IQCJ: variants seen among roughly 807,000 people sequenced by gnomAD.
The protein encoded by IQCJ is IQ domain-containing protein J.
A neutral mutation model predicts 11.0 loss-of-function variants in IQCJ; 9 were observed. That is an observed-to-expected ratio of 0.82 (90% CI 0.49 to 1.43). The LOEUF (loss-of-function observed/expected upper bound fraction) is 1.43. IQCJ is among the 40% of genes most tolerant of loss of function. The probability of loss-of-function intolerance (pLI) is 0.00; values close to 1 mark genes in which losing one functional copy is unlikely to be tolerated. For synonymous variants in IQCJ, 55 were observed against 51.3 expected (o/e 1.07, Z -0.31); for missense variants, 146 against 133.2 (o/e 1.10, Z -0.47).
chr3:159,184,188 CTTAGG>C (rs1280636979), intron 1 of IQCJ, among the ~76,000 whole-genome samples: 2 of 152,090 alleles, frequency 1.3e-5, no homozygotes, highest in Non-Finnish European at 2.9e-5. Context: ...ACTTACTATA[CTTAGG>C]TTATGTTTGC....
At chr3:159,133,463 A>G (rs911225236) in intron 1 of IQCJ, among the ~76,000 whole-genome samples, 12 of 152,220 alleles carry the variant, frequency 7.9e-5, no homozygotes, top group African/African-American at 2.7e-4. Flanking sequence ...TTTTGAGCCA[A>G]CTAATTTTCA....
chr3:159,151,924 A>G (rs568633112), intron 1 of IQCJ, among the ~76,000 whole-genome samples: 74 of 152,310 alleles, frequency 4.9e-4, no homozygotes, highest in African/African-American at 1.2e-3. Context: ...GTGAGCCATC[A>G]CACCCAGCTC....
chr3:159,235,956 G>A (rs1284312382), intron 1 of IQCJ, among the ~76,000 whole-genome samples: 4 of 152,068 alleles, frequency 2.6e-5, no homozygotes, highest in African/African-American at 9.7e-5. Context: ...TAAGGCCTAG[G>A]ACTACCTCAC....
In IQCJ at chr3:159,252,744, A is replaced by T. The variant is rs1196698654; in HGVS notation, c.92A>T (p.Asp31Val). ...GTTTCTAGTCACCAGCTGGCCATGG[A>T]TGCAGAGAATAATATTGAAAAGTAT... ...YSFENHQLAM[D>V]AENNIEKYPL... The change falls in exon 3 of 4, where the codon GAT becomes GTT. Residue 31 changes from aspartate (D) to valine (V), a missense_variant. Coordinates refer to ENST00000397832, the MANE Select transcript of IQCJ (RefSeq NM_001042706.3). The T allele has an allele frequency of 6.2e-7, 1 of 1,612,206 alleles. No homozygotes were observed. Among genetic ancestry groups the T allele is most frequent in the East Asian group, 2.2e-5 (1 of 44,788 alleles).
intron 1 of IQCJ, among the ~76,000 whole-genome samples, chr3:159,104,695 A>G (rs527253205): frequency 2.0e-4 from 31 of 152,312 alleles, no homozygotes; most frequent in Admixed American, 2.0e-3. Flanking sequence ...CATTCCTCTA[A>G]AGAAGTAGAA....
chr3:159,147,835 A>G (rs78851116), intron 1 of IQCJ, among the ~76,000 whole-genome samples: 6,060 of 152,284 alleles, frequency 0.04, 411 homozygotes, highest in African/African-American at 0.14. Flanking sequence ...TAAAAGAGGA[A>G]TGACAAAGTT....
chr3:159,255,486 T>C (rs1727846019), intron 3 of IQCJ, among the ~76,000 whole-genome samples: 1 of 152,170 alleles, frequency 6.6e-6, no homozygotes, highest in Admixed American at 6.5e-5. Flanking sequence ...TCTCAGATGG[T>C]TCCTCGTACT....
intron 1 of IQCJ, among the ~76,000 whole-genome samples, chr3:159,117,327 G>A (rs931207876): frequency 6.6e-6 from 1 of 152,186 alleles, no homozygotes; most frequent in Non-Finnish European, 1.5e-5. Context: ...TAGTTGTGAT[G>A]GTATGGGGAG....
chr3:159,154,113 A>C (rs977306977), intron 1 of IQCJ, among the ~76,000 whole-genome samples: 1 of 152,248 alleles, frequency 6.6e-6, no homozygotes, highest in Non-Finnish European at 1.5e-5. Flanking sequence ...AAAAGTTCCC[A>C]AAAAATCTAA....
At chr3:159,198,487 T>A (rs953005925) in intron 1 of IQCJ, among the ~76,000 whole-genome samples, 3 of 152,170 alleles carry the variant, frequency 2.0e-5, no homozygotes, top group Admixed American at 6.5e-5. Flanking sequence ...AGCTATTATC[T>A]TTGCCATTGA....
intron 1 of IQCJ, among the ~76,000 whole-genome samples, chr3:159,128,835 G>A (rs1275592583): frequency 6.6e-6 from 1 of 152,072 alleles, no homozygotes; most frequent in Non-Finnish European, 1.5e-5. Context: ...CCCAAGTCTT[G>A]CACAATTCTT....
intron 1 of IQCJ, among the ~76,000 whole-genome samples, chr3:159,105,183 A>G (rs1470961584): frequency 2.0e-5 from 3 of 152,214 alleles, no homozygotes; most frequent in African/African-American, 4.8e-5. Flanking sequence ...ATAAATTGTT[A>G]AAGTCACATA....
intron 1 of IQCJ, among the ~76,000 whole-genome samples, chr3:159,096,479 T>G (rs56040482): frequency 4.8e-5 from 6 of 125,212 alleles, no homozygotes; most frequent in African/African-American, 1.9e-4. Flanking sequence ...GGTTTTCTTC[T>G]AGGGTTTTTA....
chr3:159,215,097 C>T (rs1011784357), intron 1 of IQCJ, among the ~76,000 whole-genome samples: 1 of 152,092 alleles, frequency 6.6e-6, no homozygotes, highest in Non-Finnish European at 1.5e-5. Context: ...TTTTACACTA[C>T]TTGGGAGCCT....
chr3:159,256,847 A>G (rs556797982), intron 3 of IQCJ, among the ~76,000 whole-genome samples: 4 of 152,284 alleles, frequency 2.6e-5, no homozygotes, highest in African/African-American at 9.6e-5. Flanking sequence ...TCCTTTCCTT[A>G]AGTAATTATA....
At chr3:159,146,411 G>T (rs1720930538) in intron 1 of IQCJ, among the ~76,000 whole-genome samples, 1 of 152,176 alleles carries the variant, frequency 6.6e-6, no homozygotes, top group Non-Finnish European at 1.5e-5. Context: ...CTTGCCTCCT[G>T]TGCCCCTTTG....
intron 1 of IQCJ, among the ~76,000 whole-genome samples, chr3:159,132,755 A>C (rs1164375430): frequency 1.3e-5 from 2 of 152,200 alleles, no homozygotes; most frequent in Non-Finnish European, 2.9e-5. Context: ...CAAAAGCATA[A>C]TCTAAGTGTT....
intron 3 of IQCJ, among the ~76,000 whole-genome samples, chr3:159,257,958 G>A (rs1328980973): frequency 1.3e-5 from 2 of 152,178 alleles, no homozygotes; most frequent in Admixed American, 1.3e-4. Context: ...AGACCGGCCA[G>A]GACTGTTTGG....
At chr3:159,120,288 G>C (rs1038012274) in intron 1 of IQCJ, among the ~76,000 whole-genome samples, 2 of 152,098 alleles carry the variant, frequency 1.3e-5, no homozygotes, top group Non-Finnish European at 2.9e-5. Context: ...ATTTCTTCTT[G>C]TGTGTATCCC....
Sources: allele counts gnomAD v4.1 joint callset (sites outside exome capture counted in the v4.1 genomes callset), GRCh38; gene constraint gnomAD v4.1.1; transcripts MANE v1.5; gene names NCBI Gene and HGNC (gene_info 2026-07-23, HGNC 2026-07-21).